The following ZNF638 variants were observed in gnomAD, a reference collection of about 807,000 sequenced individuals.
The protein encoded by ZNF638 is zinc finger protein 638, also known as CTCL tumor antigen se33-1.
A neutral mutation model predicts 195.6 loss-of-function variants in ZNF638; 46 were observed. The observed-to-expected ratio is 0.24, with a 90% CI of 0.19 to 0.30. The LOEUF (loss-of-function observed/expected upper bound fraction) is 0.30, where lower values mean the gene tolerates loss of function less well. ZNF638 is among the 10% of genes least tolerant of loss of function. The probability of loss-of-function intolerance (pLI) is 1.00; values close to 1 mark genes in which losing one functional copy is unlikely to be tolerated. For synonymous variants in ZNF638, 845 were observed against 772.0 expected (o/e 1.09, Z -1.57); for missense variants, 2,440 against 2,325.3 (o/e 1.05, Z -1.01).
intron 17 of ZNF638, among the ~76,000 whole-genome samples, chr2:71,404,655 T>A (rs1573129615): frequency 6.6e-6 from 1 of 152,186 alleles, no homozygotes; most frequent in Non-Finnish European, 1.5e-5. Flanking sequence ...AGTTTGAGGC[T>A]GCACTGAGCT....
intron 21 of ZNF638, among the ~76,000 whole-genome samples, chr2:71,420,154 C>T (rs1020503725): frequency 1.3e-5 from 2 of 151,702 alleles, no homozygotes; most frequent in African/African-American, 4.8e-5. Flanking sequence ...CCTTGAACTC[C>T]TGGGCACAAG....
intron 10 of ZNF638, chr2:71,395,099 C>A: frequency 5.0e-6 from 3 of 603,960 alleles, no homozygotes; most frequent in South Asian, 2.1e-5. Context: ...TTCTAGAATC[C>A]CTAAACGCCA....
chr2:71,434,323 A>AGAC (rs2080724450), intron 27 of ZNF638, among the ~76,000 whole-genome samples: 1 of 152,124 alleles, frequency 6.6e-6, no homozygotes, highest in Non-Finnish European at 1.5e-5. Flanking sequence ...TTTTCGTCTC[A>AGAC]AATATCAGTT....
At chr2:71,369,379 CTG>C (rs2079267244) in intron 7 of ZNF638, among the ~76,000 whole-genome samples, 2 of 150,262 alleles carry the variant, frequency 1.3e-5, no homozygotes, top group Admixed American at 1.3e-4. Flanking sequence ...TGGCTGAAGT[CTG>C]TAATCCCAGT....
chr2:71,367,872 A>C (rs990702954), intron 6 of ZNF638, among the ~76,000 whole-genome samples: 10 of 152,036 alleles, frequency 6.6e-5, no homozygotes, highest in African/African-American at 2.4e-4. Flanking sequence ...GCCTGGCTGT[A>C]ATTTTTAACG....
At chr2:71,418,496 A>AT in intron 20 of ZNF638, 106 bp from the exon 21 acceptor site, 1 of 682,502 alleles carries the variant, frequency 1.5e-6, no homozygotes, top group Non-Finnish European at 2.2e-6. Context: ...TACATTTTTA[A>AT]GGTTTTTTTT....
chr2:71,393,596 C>G (rs981791509), intron 10 of ZNF638: 1 of 718,082 alleles, frequency 1.4e-6, no homozygotes, highest in Non-Finnish European at 2.6e-6. Context: ...CTGCTCCAGA[C>G]ACAGAAACCA....
chr2:71,369,299 G>C (rs924733288), intron 7 of ZNF638, among the ~76,000 whole-genome samples: 4 of 149,452 alleles, frequency 2.7e-5, no homozygotes, highest in Non-Finnish European at 5.9e-5. Context: ...CTCTAGCCTG[G>C]GCAACAGAGT....
chr2:71,411,566 C>G (rs2080228408), intron 20 of ZNF638, among the ~76,000 whole-genome samples: 1 of 117,204 alleles, frequency 8.5e-6, no homozygotes, highest in Admixed American at 9.2e-5. Context: ...TGCTGGTGCG[C>G]TGCACCCACT....
intron 8 of ZNF638, among the ~76,000 whole-genome samples, chr2:71,370,460 A>G (rs1015225292): frequency 3.3e-5 from 5 of 152,184 alleles, no homozygotes; most frequent in African/African-American, 1.2e-4. Context: ...CTTCCTTAGA[A>G]GTATCAAGTT....
chr2:71,341,464 C>A (rs951575915), intron 1 of ZNF638, among the ~76,000 whole-genome samples: 8 of 151,952 alleles, frequency 5.3e-5, no homozygotes, highest in African/African-American at 1.7e-4. Context: ...ACCCCACCCC[C>A]CCATCATGCG....
chr2:71,363,899 A>G (rs1185083969), intron 4 of ZNF638, 55 bp from the exon 5 acceptor site: 2 of 1,542,694 alleles, frequency 1.3e-6, no homozygotes, highest in East Asian at 2.3e-5. Flanking sequence ...ATTTATTATC[A>G]TTTAAATTTA....
intron 10 of ZNF638, among the ~76,000 whole-genome samples, chr2:71,390,275 A>C (rs891477080): frequency 6.6e-6 from 1 of 152,190 alleles, no homozygotes; most frequent in African/African-American, 2.4e-5. Context: ...TGGAAAGCCC[A>C]CAGTCCACTC....
chr2:71,388,553 A>T (rs1422760068), intron 10 of ZNF638: 2 of 738,346 alleles, frequency 2.7e-6, no homozygotes, highest in East Asian at 2.6e-5. Flanking sequence ...TCTAAGGCCG[A>T]GCAGTTTCCT....
chr2:71,334,025 C>CT (rs1438155249), intron 1 of ZNF638, among the ~76,000 whole-genome samples: 17 of 152,198 alleles, frequency 1.1e-4, no homozygotes, highest in African/African-American at 3.9e-4. Context: ...TCTAATCTAA[C>CT]TTTCATTAAA....
At chr2:71,370,209 G>A (rs2079284242) in intron 8 of ZNF638, among the ~76,000 whole-genome samples, 1 of 152,130 alleles carries the variant, frequency 6.6e-6, no homozygotes, top group Admixed American at 6.6e-5. Flanking sequence ...ACGACGACTA[G>A]GAGAAAATAC....
intron 3 of ZNF638, among the ~76,000 whole-genome samples, chr2:71,358,335 A>G (rs1318675301): frequency 1.3e-5 from 2 of 152,206 alleles, no homozygotes; most frequent in Non-Finnish European, 2.9e-5. Context: ...ATATGTATGT[A>G]TCTTTTGGGG....
At chr2:71,429,591 A>G (rs1396674921) in intron 25 of ZNF638, among the ~76,000 whole-genome samples, 1 of 152,102 alleles carries the variant, frequency 6.6e-6, no homozygotes, top group Admixed American at 6.5e-5. Context: ...TGACCTTGAA[A>G]TCTCTCTAGC....
At chr2:71,400,410 C>A in intron 14 of ZNF638, 68 bp from the exon 15 acceptor site, 1 of 1,462,714 alleles carries the variant, frequency 6.8e-7, no homozygotes, top group Non-Finnish European at 9.4e-7. Context: ...ACTGTTTAAC[C>A]TATTGTGGAA....
Sources: gnomAD v4.1 joint callset for allele counts (sites outside exome capture counted in the v4.1 genomes callset) on GRCh38, gnomAD v4.1.1 for gene constraint, MANE v1.5 for transcripts, NCBI Gene and HGNC (gene_info 2026-07-23, HGNC 2026-07-21) for gene names.